CNOT6L: variants seen among roughly 807,000 people sequenced by gnomAD.
The protein encoded by CNOT6L is CCR4-NOT transcription complex subunit 6 like.
CNOT6L carries 7 observed loss-of-function variants against 64.0 expected under a neutral mutation model. The ratio of observed to expected loss-of-function variants is 0.11; its 90% confidence interval spans 0.06 to 0.21. The LOEUF (loss-of-function observed/expected upper bound fraction) is 0.21. Among genes scored for constraint, CNOT6L ranks in the 10% least tolerant of loss-of-function variants. The pLI, the probability that CNOT6L is intolerant of heterozygous loss-of-function variation, is 1.00. For synonymous variants in CNOT6L, 193 were observed against 243.4 expected (o/e 0.79, Z 1.93); for missense variants, 245 against 669.0 (o/e 0.37, Z 6.99).
chr4:77,819,534 C>A (rs982013506), upstream of CNOT6L: 12 of 717,950 alleles, frequency 1.7e-5, no homozygotes, highest in African/African-American at 1.8e-4. Flanking sequence ...GGCTCGCGGG[C>A]GGGCGCGCAG....
intron 10 of CNOT6L, 101 bp from the exon 11 acceptor site, chr4:77,726,470 G>A: frequency 1.2e-6 from 1 of 848,770 alleles, no homozygotes; most frequent in Non-Finnish European, 1.8e-6. Context: ...GGCTCAGAGT[G>A]GTCTTCTTAG....
rs1335219035 is a variant in CNOT6L, at chr4:77,773,175, A to T, written c.315-9T>A. ...TATTTAAAAGCAATTCCCTGTTTTA[A>T]AAAAAAAAAAAAAATTAGTTTAATA... On this transcript the variant is annotated splice_polypyrimidine_tract_variant and intron_variant, in intron 3 of 11. Coordinates refer to ENST00000504123, the MANE Select transcript of CNOT6L (RefSeq NM_144571.3). 30 of 1,063,178 alleles carry T rather than the reference A, an allele frequency of 2.8e-5. No homozygotes were observed. The highest frequency in any genetic ancestry group is 1.0e-4 in the Admixed American group (3 of 29,732). 65.9% of individuals were successfully genotyped at this position (1,063,178 alleles called of 1,614,324 possible). A position where few individuals can be genotyped will look rare whatever the true frequency, so the allele number is the denominator to read the frequency against.
intron 7 of CNOT6L, chr4:77,742,548 A>G (rs553304276): frequency 1.3e-4 from 64 of 483,322 alleles, no homozygotes; most frequent in South Asian, 1.3e-3. Flanking sequence ...CTACATCCCA[A>G]GGTCTCTTGA....
chr4:77,810,999 A>G (rs1172209686), intron 1 of CNOT6L, among the ~76,000 whole-genome samples: 1 of 152,116 alleles, frequency 6.6e-6, no homozygotes, highest in East Asian at 1.9e-4. Flanking sequence ...GACGGATTTC[A>G]TTCTTTATGG....
chr4:77,809,170 G>A (rs556386999), intron 1 of CNOT6L, among the ~76,000 whole-genome samples: 1 of 152,114 alleles, frequency 6.6e-6, no homozygotes, highest in Non-Finnish European at 1.5e-5. Flanking sequence ...GCTGGAAAGT[G>A]GAGGACCCAA....
intron 1 of CNOT6L, among the ~76,000 whole-genome samples, chr4:77,805,240 A>AT (rs995256313): frequency 7.9e-5 from 12 of 151,654 alleles, no homozygotes; most frequent in African/African-American, 1.7e-4. Context: ...TACCATTTGA[A>AT]TTTTTTTTTA....
chr4:77,791,356 A>G (rs1351695097), intron 1 of CNOT6L, among the ~76,000 whole-genome samples: 1 of 152,174 alleles, frequency 6.6e-6, no homozygotes, highest in Non-Finnish European at 1.5e-5. Context: ...ACATTGAGAA[A>G]GCTATATATT....
intron 4 of CNOT6L, among the ~76,000 whole-genome samples, chr4:77,760,867 T>TTTTTTTTTTTTTG (rs1726142599): frequency 2.5e-5 from 1 of 39,544 alleles, no homozygotes; most frequent in Non-Finnish European, 5.4e-5. Flanking sequence ...TGGCTTTTTT[T>TTTTTTTTTTTTTG]TTTTTTTTTT....
chr4:77,778,782 C>G (rs537652056), intron 1 of CNOT6L, among the ~76,000 whole-genome samples: 1 of 151,360 alleles, frequency 6.6e-6, no homozygotes, highest in Non-Finnish European at 1.5e-5. Flanking sequence ...CGGTGGCTCA[C>G]GCATGTAATC....
intron 1 of CNOT6L, among the ~76,000 whole-genome samples, chr4:77,784,164 A>C (rs1002144247): frequency 6.6e-6 from 1 of 152,106 alleles, no homozygotes; most frequent in Non-Finnish European, 1.5e-5. Context: ...ATAAAGGAGA[A>C]AGAAATCGAA....
At chr4:77,756,576 T>C (rs1577952961) in intron 5 of CNOT6L, among the ~76,000 whole-genome samples, 1 of 152,220 alleles carries the variant, frequency 6.6e-6, no homozygotes, top group South Asian at 2.1e-4. Context: ...TAAATTACTT[T>C]AGTCTCTGAA....
chr4:77,757,476 A>T (rs1340234103), intron 4 of CNOT6L, among the ~76,000 whole-genome samples: 1 of 152,210 alleles, frequency 6.6e-6, no homozygotes, highest in Non-Finnish European at 1.5e-5. Flanking sequence ...AGTAATTAGG[A>T]ATGTGTGAGT....
chr4:77,791,670 GT>G (rs981829295), intron 1 of CNOT6L, among the ~76,000 whole-genome samples: 1 of 151,650 alleles, frequency 6.6e-6, no homozygotes. Flanking sequence ...ATTTTTCTAA[GT>G]TTTTTTTCAT....
intron 1 of CNOT6L, among the ~76,000 whole-genome samples, chr4:77,798,054 G>A (rs555561063): frequency 2.0e-5 from 3 of 152,318 alleles, no homozygotes; most frequent in South Asian, 2.1e-4. Flanking sequence ...GGCTAGGCAT[G>A]GTGGCTCCTG....
At chr4:77,815,176 A>T (rs1487242562) in intron 1 of CNOT6L, among the ~76,000 whole-genome samples, 6 of 152,208 alleles carry the variant, frequency 3.9e-5, no homozygotes, top group African/African-American at 1.4e-4. Context: ...GTTTCCTATG[A>T]AACTATACCC....
At chr4:77,747,167 CTA>C (rs1410716011) in intron 6 of CNOT6L, among the ~76,000 whole-genome samples, 1 of 152,008 alleles carries the variant, frequency 6.6e-6, no homozygotes, top group Non-Finnish European at 1.5e-5. Flanking sequence ...TAAAAATTAA[CTA>C]TCTCTTTTTT....
chr4:77,778,994 C>T (rs1373111375), intron 1 of CNOT6L, among the ~76,000 whole-genome samples: 1 of 143,768 alleles, frequency 7.0e-6, no homozygotes, highest in Non-Finnish European at 1.5e-5. Flanking sequence ...CTGCAGTGGG[C>T]CGAGATCGCG....
intron 1 of CNOT6L, among the ~76,000 whole-genome samples, chr4:77,813,796 A>T (rs1733238557): frequency 6.6e-6 from 1 of 152,180 alleles, no homozygotes; most frequent in Admixed American, 6.5e-5. Context: ...TACACTGCTG[A>T]TGGAAATGTA....
At chr4:77,728,610 G>C (rs545934701) in intron 10 of CNOT6L, among the ~76,000 whole-genome samples, 1 of 152,264 alleles carries the variant, frequency 6.6e-6, no homozygotes, top group Non-Finnish European at 1.5e-5. Flanking sequence ...GTGGTAAAGA[G>C]ATCTATTACT....
Sources: gnomAD v4.1 joint callset for allele counts (sites outside exome capture counted in the v4.1 genomes callset) on GRCh38, gnomAD v4.1.1 for gene constraint, MANE v1.5 for transcripts, NCBI Gene and HGNC (gene_info 2026-07-23, HGNC 2026-07-21) for gene names.